Variants in GRTP1 observed in about 807,000 individuals in gnomAD.
GRTP1 encodes the protein growth hormone regulated TBC protein 1.
GRTP1 carries 56 observed loss-of-function variants against 38.1 expected under a neutral mutation model. The observed-to-expected ratio is 1.47, with a 90% CI of 1.19 to 1.84. The LOEUF is 1.84. Ranked by LOEUF, GRTP1 falls within the 40% of genes most tolerant of loss-of-function variation. GRTP1 has a pLI of 0.00. For synonymous variants in GRTP1, 217 were observed against 189.5 expected, an observed-to-expected ratio of 1.14 and a Z score of -1.19; for missense variants, 506 against 453.9, an observed-to-expected ratio of 1.11 and a Z score of -1.04.
At chr13:113,332,776 G>A (rs910653796) in intron 5 of GRTP1, among the ~76,000 whole-genome samples, 1 of 152,230 alleles carries the variant, frequency 6.6e-6, no homozygotes, top group African/African-American at 2.4e-5. Flanking sequence ...CATGGGGTGA[G>A]CCCAGAGTAG....
chr13:113,344,774 T>C, intron 5 of GRTP1, 89 bp downstream of exon 5: 1 of 1,166,650 alleles, frequency 8.6e-7, no homozygotes, highest in South Asian at 1.4e-5. Context: ...TCAACCATGT[T>C]TTAATTAAAT....
At chr13:113,351,069 G>C in intron 3 of GRTP1, 96 bp from the exon 4 acceptor site, 1 of 1,521,958 alleles carries the variant, frequency 6.6e-7, no homozygotes, top group Non-Finnish European at 9.0e-7. Flanking sequence ...GGTTCCACTT[G>C]GGACTTACGG....
chr13:113,355,490 C>G lies in GRTP1; in HGVS notation c.182-9G>C. The G allele has an allele frequency of 6.2e-7, 1 of 1,603,580 alleles. No homozygotes were observed. Among genetic ancestry groups the G allele is most frequent in the Non-Finnish European group, 8.5e-7 (1 of 1,172,956 alleles). On this transcript the variant is annotated splice_polypyrimidine_tract_variant and intron_variant, in intron 2 of 7. Coordinates refer to ENST00000375431, the MANE Select transcript of GRTP1 (RefSeq NM_024719.4). ...CCGGACATAGCGCTTCACTGAAGGC[C>G]GAGAGGACGGACAGCGTGTGAGCTG...
intron 4 of GRTP1, among the ~76,000 whole-genome samples, chr13:113,350,127 TCAGA>T (rs2043234538): frequency 6.6e-6 from 1 of 151,710 alleles, no homozygotes; most frequent in Non-Finnish European, 1.5e-5. Flanking sequence ...CTCGGCGAGC[TCAGA>T]CAGACTGGAA....
chr13:113,330,080 C>CGTGCATGGAAACCCGGGTGT (rs1168410369), intron 5 of GRTP1, among the ~76,000 whole-genome samples: 2 of 120,384 alleles, frequency 1.7e-5, no homozygotes, highest in African/African-American at 3.2e-5. Flanking sequence ...AACCCGGGTG[C>CGTGCATGGAAACCCGGGTGT]GTGCATGGAA....
intron 3 of GRTP1, chr13:113,351,983 C>G (rs1173933142): frequency 6.6e-6 from 1 of 152,064 alleles, no homozygotes; most frequent in Non-Finnish European, 1.5e-5. Context: ...AAGTCTGTTT[C>G]CGACCTCTGG....
rs1566430448 is a variant in GRTP1 at position 113,346,548 on chromosome 13, C to CTG, written c.466-1590_466-1589insCA. Among the ~76,000 whole-genome samples the CTG allele has an allele frequency of 7.7e-4, 12 of 15,678 alleles. 1 individual carries two copies. Among genetic ancestry groups the CTG allele is most frequent in the African/African-American group, 8.5e-4 (12 of 14,138 alleles). 10.3% of individuals were successfully genotyped at this position (15,678 alleles called of 152,430 possible). A position where few individuals can be genotyped will look rare whatever the true frequency, so the allele number is the denominator to read the frequency against. On this transcript the variant is annotated intron_variant, in intron 4 of 7. Coordinates refer to ENST00000375431, the MANE Select transcript of GRTP1 (RefSeq NM_024719.4). ...AGCAGACCCGGGAGGACCTCTGTGG[C>CTG]AAAGAGCAGACCCAGGAGGACCTCT...
intron 4 of GRTP1, among the ~76,000 whole-genome samples, chr13:113,346,554 G>A (rs1158198766): frequency 4.5e-4 from 6 of 13,392 alleles, no homozygotes; most frequent in African/African-American, 4.2e-4. Context: ...GTGGCAAAGA[G>A]CAGACCCAGG....
At position 113,326,056 on chromosome 13, in the gene GRTP1, C is replaced by T. The variant is rs377760302; in HGVS notation, c.598G>A (p.Asp200Asn). Residue 200 changes from aspartate to asparagine, a missense_variant, in exon 6 of 8, where the codon GAC (aspartate) becomes AAC (asparagine). Coordinates refer to ENST00000375431, the MANE Select transcript of GRTP1 (RefSeq NM_024719.4). ...YSPAMLGLKT[D>N]QEVLGELVRA... is the part of the protein sequence containing the mutation. ...ACCAGCTCCCCGAGGACCTCCTGGT[C>T]GGTCTTCAGGCCCAGCATGGCCGGG... is the stretch of plus-strand genomic sequence containing the variant. The T allele has an allele frequency of 1.4e-5, 22 of 1,611,976 alleles. No individual in the cohort carries two copies. Among genetic ancestry groups the T allele is most frequent in the Non-Finnish European group, 1.7e-5 (20 of 1,179,956 alleles).
At chr13:113,325,041 G>A (rs1432009771) in intron 7 of GRTP1, 7 of 828,562 alleles carry the variant, frequency 8.4e-6, no homozygotes, top group Non-Finnish European at 8.8e-6. Context: ...TGTTGGCCAG[G>A]CTGGTCTTGA....
In GRTP1 at chr13:113,334,223, C is replaced by T. The variant is rs532398070; in HGVS notation, c.563-8132G>A. Among the ~76,000 whole-genome samples, 1,027 of 152,166 alleles carry T rather than the reference C, an allele frequency of 6.7e-3. 9 individuals carry two copies. The highest frequency in any genetic ancestry group is 0.011 in the Non-Finnish European group (733 of 68,012). ...AACATGAGAAACTCTCTGTAGGGTC[C>T]GGAGGACCGAGAGGGAGGGACCTGC... On this transcript the variant is annotated intron_variant, in intron 5 of 7. Transcript: ENST00000375431.
chr13:113,325,497 C>T, intron 7 of GRTP1, 164 bp downstream of exon 7: 2 of 1,477,156 alleles, frequency 1.4e-6, no homozygotes, highest in Non-Finnish European at 8.9e-7. Flanking sequence ...CCCTCGGAGG[C>T]CAGGCGCAGG....
intron 4 of GRTP1, among the ~76,000 whole-genome samples, chr13:113,345,502 G>A (rs2139455239): frequency 6.6e-6 from 1 of 152,362 alleles, no homozygotes; most frequent in Middle Eastern, 3.4e-3. Flanking sequence ...CAGACCCTGG[G>A]GGCTTCGCAG....
intron 3 of GRTP1, among the ~76,000 whole-genome samples, chr13:113,352,337 T>TTATATATATATTTATATATACTTTATA (rs2043296383): frequency 1.9e-5 from 1 of 51,560 alleles, no homozygotes; most frequent in East Asian, 5.2e-4. Flanking sequence ...TATATATATT[T>TTATATATATATTTATATATACTTTATA]TATATATATA....
intron 4 of GRTP1, among the ~76,000 whole-genome samples, chr13:113,346,075 T>TCTGTGGCTGA (rs2043109096): frequency 5.6e-4 from 3 of 5,382 alleles, no homozygotes; most frequent in African/African-American, 1.0e-3. Context: ...CCTCTGCGGC[T>TCTGTGGCTGA]GAGCAGACCT....
chr13:113,326,416 TC>T (rs1566411593), intron 5 of GRTP1, among the ~76,000 whole-genome samples: 1 of 99,314 alleles, frequency 1.0e-5, no homozygotes, highest in African/African-American at 3.5e-5. Context: ...ACACCTGTAA[TC>T]CCAGCACTTT....
chr13:113,350,757 C>CA (rs1566435883), intron 4 of GRTP1, 92 bp downstream of exon 4: 3 of 1,223,580 alleles, frequency 2.5e-6, no homozygotes, highest in South Asian at 1.6e-5. Flanking sequence ...ACAGGGTTGA[C>CA]AGAGACGTGA....
rs867269255 is a variant in GRTP1 at position 113,347,270 on chromosome 13, A to G, written c.466-2311T>C. ...TGGGAGGACCTCTGTGGCTGAGAGC[A>G]GACCCGGGAGGACCTCTGTGGCTGA... is the stretch of plus-strand genomic sequence containing the variant. On this transcript the variant is annotated intron_variant, in intron 4 of 7. Transcript: ENST00000375431. Among the ~76,000 whole-genome samples the G allele has an allele frequency of 7.2e-4, 18 of 24,962 alleles. 1 individual carries two copies. The highest frequency in any genetic ancestry group is 2.9e-3 in the African/African-American group (7 of 2,448). 16.4% of individuals were successfully genotyped at this position (24,962 alleles called of 152,430 possible).
intron 4 of GRTP1, among the ~76,000 whole-genome samples, chr13:113,346,069 TGCGGCTGAGCAGACCTGG>T (rs1263452475): frequency 6.7e-5 from 6 of 89,782 alleles, no homozygotes; most frequent in South Asian, 8.5e-4. Context: ...GGAGGACCTC[TGCGGCTGAGCAGACCTGG>T]GAAGACATCT....
Sources: allele counts gnomAD v4.1 joint callset (sites outside exome capture counted in the v4.1 genomes callset), GRCh38; gene constraint gnomAD v4.1.1; transcripts MANE v1.5; gene names NCBI Gene and HGNC (gene_info 2026-07-23, HGNC 2026-07-21).